SENP1: variants seen among roughly 807,000 people sequenced by gnomAD.
SENP1 encodes the protein SUMO specific peptidase 1.
Under a neutral mutation model 93.0 loss-of-function variants are expected in SENP1, and 21 were observed. That is an observed-to-expected ratio of 0.23 (90% confidence interval 0.16 to 0.33). The LOEUF (loss-of-function observed/expected upper bound fraction) is 0.33. Among genes scored for constraint, SENP1 ranks in the 10% least tolerant of loss-of-function variants. SENP1 has a pLI of 1.00. For synonymous variants in SENP1, 256 were observed against 259.6 expected, an observed-to-expected ratio of 0.99 and a Z score of 0.13; for missense variants, 591 against 758.7, an observed-to-expected ratio of 0.78 and a Z score of 2.60.
At chr12:48,048,814 A>G (rs900474136) in intron 14 of SENP1, 115 bp downstream of exon 14, 238 of 741,670 alleles carry the variant, frequency 3.2e-4, no homozygotes, top group Non-Finnish European at 4.7e-4. Flanking sequence ...ACCTACTACT[A>G]AACACTCTTT....
At chr12:48,065,743 T>C in intron 10 of SENP1, 63 bp from the exon 11 acceptor site, 2 of 1,023,372 alleles carry the variant, frequency 2.0e-6, no homozygotes, top group Non-Finnish European at 3.0e-6. Flanking sequence ...ATATTGTTGA[T>C]GTACACTGAA....
chr12:48,047,105 C>T (rs775895385), intron 15 of SENP1, 43 bp from the exon 16 acceptor site: 8 of 1,222,958 alleles, frequency 6.5e-6, no homozygotes, highest in East Asian at 4.7e-5. Context: ...TGGGGAACAT[C>T]GATGACAGCT....
At chr12:48,049,832 T>C (rs1023450502) in intron 13 of SENP1, among the ~76,000 whole-genome samples, 3 of 152,148 alleles carry the variant, frequency 2.0e-5, no homozygotes, top group Admixed American at 6.5e-5. Context: ...AAACCTACCT[T>C]ATATGAGACC....
rs763524274 is a variant in SENP1 at position 48,097,991 on chromosome 12, A to C, written c.135+3T>G. 1.2e-6 allele frequency: 2 copies of C among 1,612,958 alleles called. No homozygotes were observed. Among genetic ancestry groups the C allele is most frequent in the East Asian group, 2.2e-5 (1 of 44,876 alleles). ...TAATTAAAGGAAGAAAATTGCTCCT[A>C]ACCTGCTGGTCAGAAAGCGAAAGCT... On this transcript the variant is annotated splice_donor_region_variant and intron_variant, in intron 3 of 17. Coordinates refer to ENST00000549518, the MANE Select transcript of SENP1 (RefSeq NM_001267594.2).
At chr12:48,049,523 A>G (rs539615929) in intron 13 of SENP1, among the ~76,000 whole-genome samples, 11 of 152,316 alleles carry the variant, frequency 7.2e-5, no homozygotes, top group Admixed American at 3.3e-4. Flanking sequence ...ATCTACTGGA[A>G]CTGTGTGAGC....
At chr12:48,078,498 A>G (rs1182139653) in intron 6 of SENP1, among the ~76,000 whole-genome samples, 1 of 151,414 alleles carries the variant, frequency 6.6e-6, no homozygotes, top group Non-Finnish European at 1.5e-5. Context: ...ATATAAGATC[A>G]TGTTGTCAGT....
chr12:48,104,365 T>A (rs1432829483), intron 1 of SENP1, among the ~76,000 whole-genome samples: 1 of 146,180 alleles, frequency 6.8e-6, no homozygotes. Context: ...ATAAGAAGGG[T>A]GTGAAAGCAA....
rs757533014 is a variant in SENP1 at position 48,088,823 on chromosome 12, G to A, written c.358C>T (p.Leu120Phe). The A allele has an allele frequency of 6.2e-7, 1 of 1,609,972 alleles. No individual in the cohort carries two copies. Among genetic ancestry groups the A allele is most frequent in the South Asian group, 1.1e-5 (1 of 89,900 alleles). ...AACCTTGAGGTCTTTCGGGTTTCGA[G>A]GTAAAGACTTCGGCTGTTTCTTGAT... ...QKSRNSRSLYLETRKTSSGLS... is the reference protein window; with the variant it reads ...QKSRNSRSLYFETRKTSSGLS... Residue 120 changes from leucine to phenylalanine, a missense_variant, in exon 5 of 18, where the codon CTC (leucine) becomes TTC (phenylalanine). Physicochemically the swap from Leu to Phe is conservative, Grantham distance 22 (BLOSUM62 0). This residue lies in a region of SENP1 where 214 missense variants were observed against 243.4 expected (regional missense o/e 0.88). Coordinates refer to ENST00000549518, the MANE Select transcript of SENP1 (RefSeq NM_001267594.2).
At chr12:48,094,081 A>G (rs1200486759) in intron 4 of SENP1, among the ~76,000 whole-genome samples, 1 of 152,240 alleles carries the variant, frequency 6.6e-6, no homozygotes, top group Non-Finnish European at 1.5e-5. Context: ...GAGTTAAATA[A>G]GAGTTGAATG....
chr12:48,074,216 G>T (rs574647224), intron 8 of SENP1, 108 bp downstream of exon 8: 2 of 940,764 alleles, frequency 2.1e-6, no homozygotes, highest in Non-Finnish European at 3.2e-6. Context: ...TTTCAGATTC[G>T]GTATGCTCAT....
Position 48,047,002 on chromosome 12 carries a change from C to G in SENP1, c.1752G>C (p.Trp584Cys). The change falls in exon 16 of 18, where the codon TGG becomes TGC. Residue 584 changes from tryptophan (W) to cysteine (C), a missense_variant. Physicochemically the swap from Trp to Cys is radical, Grantham distance 215. Coordinates refer to ENST00000549518, the MANE Select transcript of SENP1 (RefSeq NM_001267594.2). ...KKRKEFDTNG[W>C]QLFSKKSQEI... The stretch of plus-strand genomic sequence containing the variant: ...CCTGGCTTTTCTTGCTGAAAAGCTG[C>G]CAGCCATTGGTGTCAAACTCTTTCC... 6.2e-7 allele frequency: 1 copy of G among 1,612,504 alleles called. No individual in the cohort carries two copies. The highest frequency in any genetic ancestry group is 8.5e-7 in the Non-Finnish European group (1 of 1,178,770).
chr12:48,055,306 T>C (rs894121374), intron 13 of SENP1: 1 of 160,304 alleles, frequency 6.2e-6, no homozygotes, highest in Non-Finnish European at 1.4e-5. Context: ...ATGAATCCTT[T>C]TGCTGTTACA....
intron 4 of SENP1, among the ~76,000 whole-genome samples, chr12:48,090,455 C>G (rs141339677): frequency 7.8e-4 from 118 of 152,206 alleles, no homozygotes; most frequent in Middle Eastern, 3.4e-3. Context: ...CTTTAAAATG[C>G]AAGGGGAAAA....
chr12:48,050,447 A>G (rs1182423177), intron 13 of SENP1, among the ~76,000 whole-genome samples: 1 of 152,182 alleles, frequency 6.6e-6, no homozygotes, highest in African/African-American at 2.4e-5. Flanking sequence ...CAGAGCTCTG[A>G]GGTAGGGGAA....
chr12:48,069,785 T>C (rs1000950577), intron 9 of SENP1, among the ~76,000 whole-genome samples: 2 of 152,090 alleles, frequency 1.3e-5, no homozygotes, highest in Non-Finnish European at 2.9e-5. Context: ...CCAAAAAAGA[T>C]GTAAGAAATA....
At chr12:48,068,625 T>C (rs976457566) in intron 9 of SENP1, among the ~76,000 whole-genome samples, 1 of 152,054 alleles carries the variant, frequency 6.6e-6, no homozygotes, top group Admixed American at 6.6e-5. Context: ...GAGGAATAAG[T>C]ACTTGGGCTA....
At chr12:48,055,792 AATAT>A in intron 13 of SENP1, among the ~76,000 whole-genome samples, 1 of 145,974 alleles carries the variant, frequency 6.9e-6, no homozygotes, top group South Asian at 2.1e-4. Context: ...TATATTATTT[AATAT>A]ATAAATAAAA....
chr12:48,074,268 T>G, intron 8 of SENP1, 56 bp downstream of exon 8: 1 of 1,382,140 alleles, frequency 7.2e-7, no homozygotes, highest in Non-Finnish European at 1.0e-6. Flanking sequence ...AATGAGCTAA[T>G]GAACAGTTAA....
intron 5 of SENP1, among the ~76,000 whole-genome samples, 182 bp from the exon 6 acceptor site, chr12:48,083,944 T>C (rs1944659746): frequency 6.6e-6 from 1 of 152,186 alleles, no homozygotes; most frequent in African/African-American, 2.4e-5. Flanking sequence ...CTGCATCAGG[T>C]TCTGCCACTT....
Sources: allele counts gnomAD v4.1 joint callset (sites outside exome capture counted in the v4.1 genomes callset), GRCh38; gene constraint gnomAD v4.1.1; regional missense constraint gnomAD v4.1.1; transcripts MANE v1.5; gene names NCBI Gene and HGNC (gene_info 2026-07-23, HGNC 2026-07-21).